The following CNGB1 variants were observed in gnomAD, a reference collection of about 807,000 sequenced individuals.
CNGB1 encodes cyclic nucleotide gated channel subunit beta 1, also known as cyclic nucleotide-gated channel beta-1.
In CNGB1, 126 loss-of-function variants were observed where a neutral mutation model predicts 151.7. The observed-to-expected ratio is 0.83, with a 90% CI of 0.72 to 0.96. The LOEUF is 0.96. Ranked by LOEUF, CNGB1 falls within the 40% of genes least tolerant of loss-of-function variation. CNGB1 has a pLI of 0.00. For synonymous variants in CNGB1, 623 were observed against 635.1 expected, an observed-to-expected ratio of 0.98 and a Z score of 0.29; for missense variants, 1,698 against 1,627.0, an observed-to-expected ratio of 1.04 and a Z score of -0.75.
intron 4 of CNGB1, among the ~76,000 whole-genome samples, chr16:57,963,566 A>G (rs1379887408): frequency 6.6e-6 from 1 of 152,152 alleles, no homozygotes; most frequent in Non-Finnish European, 1.5e-5. Flanking sequence ...GCCTGAGGCC[A>G]GCCCAGCCCC....
intron 17 of CNGB1, among the ~76,000 whole-genome samples, chr16:57,927,482 G>C (rs769828558): frequency 1.3e-5 from 2 of 152,230 alleles, no homozygotes; most frequent in Non-Finnish European, 2.9e-5. Flanking sequence ...GCACTTGCTT[G>C]TTTATTTGGT....
chr16:57,894,707 T>G (rs1443166515), intron 31 of CNGB1, among the ~76,000 whole-genome samples: 2 of 152,198 alleles, frequency 1.3e-5, no homozygotes, highest in Non-Finnish European at 2.9e-5. Flanking sequence ...TAATGGGAGT[T>G]GCAGTCAGGG....
intron 23 of CNGB1, among the ~76,000 whole-genome samples, chr16:57,913,878 G>A (rs1348558109): frequency 6.6e-6 from 1 of 152,200 alleles, no homozygotes; most frequent in Non-Finnish European, 1.5e-5. Flanking sequence ...GGGAAGTCCA[G>A]TAACTTGTCC....
intron 25 of CNGB1, among the ~76,000 whole-genome samples, 173 bp from the exon 26 acceptor site, chr16:57,905,048 T>C (rs1290055523): frequency 6.6e-6 from 1 of 151,156 alleles, no homozygotes; most frequent in Admixed American, 6.6e-5. Context: ...CGTTGCCGTT[T>C]GCAGAGCAGG....
rs564200357 is a variant in CNGB1 at position 57,931,881 on chromosome 16, G to T, written c.1373-3C>A. Reference sequence around the variant, plus strand: ...TGGGTGCTGTTTCGTGGCAGGCACTGGGGGAGAGGAAGGAGAGGAGAAAGT... The same window carrying T: ...TGGGTGCTGTTTCGTGGCAGGCACTTGGGGAGAGGAAGGAGAGGAGAAAGT... On this transcript the variant is annotated splice_region_variant and splice_polypyrimidine_tract_variant and intron_variant, in intron 16 of 32. Transcript: ENST00000251102. 188 of 1,613,918 alleles carry T rather than the reference G, an allele frequency of 1.2e-4. 2 individuals are homozygous for T. The South Asian group carries it at 1.8e-3, about 15-fold the overall frequency.
chr16:57,910,268 A>C (rs1960673016), intron 25 of CNGB1, among the ~76,000 whole-genome samples: 1 of 152,234 alleles, frequency 6.6e-6, no homozygotes, highest in Admixed American at 6.5e-5. Context: ...TAGAGGCTTC[A>C]TCTGCATGAA....
intron 13 of CNGB1, 27 bp downstream of exon 13, chr16:57,950,354 C>T: frequency 6.2e-7 from 1 of 1,613,930 alleles, no homozygotes; most frequent in Non-Finnish European, 8.5e-7. Flanking sequence ...AATAACTAAT[C>T]TTTTAGGGTC....
chr16:57,893,467 G>A (rs893256344), intron 31 of CNGB1, among the ~76,000 whole-genome samples: 7 of 152,006 alleles, frequency 4.6e-5, no homozygotes, highest in African/African-American at 1.4e-4. Flanking sequence ...TGTATGACAG[G>A]CACCCCACCG....
chr16:57,912,643 C>T (rs1415122497), intron 24 of CNGB1, among the ~76,000 whole-genome samples: 2 of 144,694 alleles, frequency 1.4e-5, no homozygotes, highest in Non-Finnish European at 3.0e-5. Flanking sequence ...GTGTGCACTG[C>T]ATGTGTTGTG....
chr16:57,944,396 G>A (rs1961749507), intron 14 of CNGB1, among the ~76,000 whole-genome samples: 1 of 152,154 alleles, frequency 6.6e-6, no homozygotes. Context: ...GAGAGGTGGG[G>A]AGATAGATGT....
chr16:57,954,783 C>T, intron 12 of CNGB1: 1 of 989,334 alleles, frequency 1.0e-6, no homozygotes, highest in South Asian at 4.6e-5. Context: ...TAGGGAGAAC[C>T]TCTTCTGGGA....
At chr16:57,930,568 G>A (rs1391618295) in intron 17 of CNGB1, among the ~76,000 whole-genome samples, 3 of 126,638 alleles carry the variant, frequency 2.4e-5, no homozygotes, top group African/African-American at 9.1e-5. Context: ...AAGGAGGAGG[G>A]GAAGGGGGAG....
Position 57,923,374 on chromosome 16 carries a change from C to G in CNGB1, c.1542G>C (p.Lys514Asn). Reference protein sequence around the residue: ...PSSASGTHRKKLPSEDDEAEE... With the variant: ...PSSASGTHRKNLPSEDDEAEE... ...CAGCCTCATCATCCTCAGAGGGCAG[C>G]TTCTTCCTGCAAAGACACAGATGTG... Residue 514 changes from lysine to asparagine, a missense_variant, in exon 18 of 33, where the codon AAG (lysine) becomes AAC (asparagine). Lys to Asn is a moderately conservative substitution (Grantham distance 94). Transcript: ENST00000251102. 1 of 1,612,926 alleles carries G rather than the reference C, an allele frequency of 6.2e-7. No homozygotes were observed. The highest frequency in any genetic ancestry group is 8.5e-7 in the Non-Finnish European group (1 of 1,179,518).
intron 17 of CNGB1, among the ~76,000 whole-genome samples, chr16:57,930,291 G>A (rs1483034263): frequency 6.6e-6 from 1 of 152,088 alleles, no homozygotes; most frequent in Non-Finnish European, 1.5e-5. Context: ...GAGCTCAGGA[G>A]TTTGAGACCA....
chr16:57,917,639 C>T (rs867162230), intron 20 of CNGB1, among the ~76,000 whole-genome samples, 163 bp from the exon 21 acceptor site: 1 of 148,130 alleles, frequency 6.8e-6, no homozygotes, highest in African/African-American at 2.6e-5. Flanking sequence ...CACACACACA[C>T]ACACACACAC....
At chr16:57,957,404 A>G in intron 11 of CNGB1, 27 bp from the exon 12 acceptor site, 1 of 1,611,840 alleles carries the variant, frequency 6.2e-7, no homozygotes, top group Non-Finnish European at 8.5e-7. Context: ...AAAAGGGAAA[A>G]TCCTGCCACG....
At chr16:57,892,427 GT>G (rs1461758377) in intron 31 of CNGB1, among the ~76,000 whole-genome samples, 6 of 152,134 alleles carry the variant, frequency 3.9e-5, no homozygotes, top group African/African-American at 1.2e-4. Flanking sequence ...GATAGACTGG[GT>G]TTTGGAAGGG....
chr16:57,952,552 G>C, intron 12 of CNGB1, among the ~76,000 whole-genome samples: 1 of 114,730 alleles, frequency 8.7e-6, no homozygotes, highest in African/African-American at 3.3e-5. Context: ...ACCCAGGCTT[G>C]AGTGCAATGG....
At position 57,903,967 on chromosome 16, in the gene CNGB1, T is replaced by C; in HGVS notation, c.2649A>G (p.Val883=). Residue 883 remains valine (V), a synonymous_variant, in exon 27 of 33, where the codon GTA becomes GTG. Coordinates refer to ENST00000251102, the MANE Select transcript of CNGB1 (RefSeq NM_001297.5). ...AGGTCTGTCCGGCGGTGGCGGCCCC[T>C]ACCACATCTCTCATCTGGGGGAAGG... is the stretch of plus-strand genomic sequence containing the variant. ...SVMIGQMRDV[V]GAATAGQTYY... 6.2e-7 allele frequency: 1 copy of C among 1,613,820 alleles called. No homozygotes were observed. The highest frequency in any genetic ancestry group is 8.5e-7 in the Non-Finnish European group (1 of 1,179,972).
Sources: gnomAD v4.1 joint callset for allele counts (sites outside exome capture counted in the v4.1 genomes callset) on GRCh38, gnomAD v4.1.1 for gene constraint, MANE v1.5 for transcripts, NCBI Gene and HGNC (gene_info 2026-07-23, HGNC 2026-07-21) for gene names.